Variants in AK8 observed in about 807,000 individuals in gnomAD.
AK8 encodes the protein ATP-AMP transphosphorylase 8.
Under a neutral mutation model 54.6 loss-of-function variants are expected in AK8, and 44 were observed. That is an observed-to-expected ratio of 0.81 (90% CI 0.63 to 1.04). The LOEUF is 1.04. Ranked by LOEUF, AK8 falls within the 50% of genes least tolerant of loss-of-function variation. The pLI is 0.00. For missense variants in AK8, 555 were observed against 613.6 expected (o/e 0.90, Z 1.01); for synonymous variants, 239 against 245.6 (o/e 0.97, Z 0.25).
At chr9:132,820,005 A>T (rs1275413818) in intron 9 of AK8, among the ~76,000 whole-genome samples, 2 of 152,020 alleles carry the variant, frequency 1.3e-5, no homozygotes, top group African/African-American at 4.8e-5. Context: ...ACAAAAAAAA[A>T]TTAGCTGAGC....
chr9:132,795,203 C>G (rs1021753290), intron 10 of AK8, among the ~76,000 whole-genome samples: 3 of 152,220 alleles, frequency 2.0e-5, no homozygotes, highest in African/African-American at 7.2e-5. Flanking sequence ...GTGACCTCCT[C>G]CTCCTCTCCC....
chr9:132,828,739 T>C lies in AK8; in HGVS notation c.403-13A>G, dbSNP rs1841984068. 6.3e-7 allele frequency: 1 copy of C among 1,594,590 alleles called. No individual in the cohort carries two copies. Among genetic ancestry groups the C allele is most frequent in the South Asian group, 1.1e-5 (1 of 89,534 alleles). On this transcript the variant is annotated splice_polypyrimidine_tract_variant and intron_variant, in intron 5 of 12. Transcript: ENST00000298545. ...CCAGAATCCAGCCCTAGACAGAAGA[T>C]TCAGAGAGGTGCTCATCTGTTTTGA...
chr9:132,743,524 C>G (rs1029627503), intron 11 of AK8, among the ~76,000 whole-genome samples: 1 of 152,238 alleles, frequency 6.6e-6, no homozygotes, highest in Admixed American at 6.5e-5. Context: ...GCCAGATTCC[C>G]CAGCCTTGAC....
chr9:132,835,850 G>A (rs544540590), intron 5 of AK8, among the ~76,000 whole-genome samples: 131 of 152,260 alleles, frequency 8.6e-4, no homozygotes, highest in Non-Finnish European at 1.3e-3. Flanking sequence ...TAGGCCAGGC[G>A]CAGTGGCTCA....
chr9:132,792,891 C>G, intron 10 of AK8, 116 bp from the exon 11 acceptor site: 1 of 1,229,254 alleles, frequency 8.1e-7, no homozygotes. Context: ...TAGGTGGAGC[C>G]ACTTGGAACC....
At chr9:132,800,355 C>T (rs985548241) in intron 10 of AK8, among the ~76,000 whole-genome samples, 12 of 152,164 alleles carry the variant, frequency 7.9e-5, no homozygotes, top group Non-Finnish European at 1.2e-4. Flanking sequence ...GGTTCTGCAT[C>T]CCCCAAGTGA....
intron 2 of AK8, among the ~76,000 whole-genome samples, chr9:132,870,673 G>A (rs923723798): frequency 1.3e-5 from 2 of 152,244 alleles, no homozygotes; most frequent in East Asian, 1.9e-4. Flanking sequence ...CTCGCTCACC[G>A]GGATGAGTCC....
intron 5 of AK8, among the ~76,000 whole-genome samples, chr9:132,850,795 A>T (rs925649769): frequency 1.3e-5 from 2 of 152,102 alleles, no homozygotes; most frequent in African/African-American, 4.8e-5. Context: ...TGGCCTCCCA[A>T]AGTGCTGGGA....
At chr9:132,840,957 T>C (rs958133418) in intron 5 of AK8, among the ~76,000 whole-genome samples, 12 of 152,112 alleles carry the variant, frequency 7.9e-5, no homozygotes, top group African/African-American at 2.9e-4. Context: ...AGTAGCAGAC[T>C]TCTACTCATA....
At chr9:132,737,180 G>C (rs1837162120) in intron 11 of AK8, among the ~76,000 whole-genome samples, 1 of 152,076 alleles carries the variant, frequency 6.6e-6, no homozygotes, top group South Asian at 2.1e-4. Flanking sequence ...CAAGTAGTTA[G>C]TAGACATTAC....
intron 2 of AK8, 47 bp downstream of exon 2, chr9:132,875,068 G>T: frequency 6.2e-7 from 1 of 1,609,824 alleles, no homozygotes; most frequent in Non-Finnish European, 8.5e-7. Flanking sequence ...GAAGGAGGAG[G>T]AGGGGAAGGG....
chr9:132,830,072 C>T (rs1343016268), intron 5 of AK8, among the ~76,000 whole-genome samples: 2 of 152,174 alleles, frequency 1.3e-5, no homozygotes, highest in Non-Finnish European at 2.9e-5. Context: ...CCACACTGTA[C>T]ACACTGTTTG....
At chr9:132,732,244 C>A (rs1799686) in intron 11 of AK8, among the ~76,000 whole-genome samples, 83,224 of 152,022 alleles carry the variant, frequency 0.55, 23,146 homozygotes, top group Admixed American at 0.68. Flanking sequence ...GGATTTTGAT[C>A]TTTCAGCATT....
At position 132,878,005 on chromosome 9, in the gene AK8, A is replaced by AG; in HGVS notation, c.84+166dup. The AG allele has an allele frequency of 6.6e-7, 1 of 1,508,522 alleles. No individual in the cohort carries two copies. The highest frequency in any genetic ancestry group is 1.4e-5 in the African/African-American group (1 of 72,194). The allele number at this position is 1,508,522 out of a possible 1,614,324, so 93.4% of individuals were successfully genotyped here. On this transcript the variant is annotated intron_variant, in intron 1 of 12. Coordinates refer to ENST00000298545, the MANE Select transcript of AK8 (RefSeq NM_152572.3). The surrounding 1 kb of genome is among the most constrained non-coding windows in gnomAD (Gnocchi z 4.7). ...CAGGACCAGGAGCGTCCCCAGCTCG[A>AG]GGGCCCCCTCGGGGTCACGGCGACA...
At chr9:132,877,653 C>T (rs1466692425) in intron 1 of AK8, 5 of 349,958 alleles carry the variant, frequency 1.4e-5, no homozygotes, top group African/African-American at 6.5e-5. Context: ...GACGTCTGGC[C>T]CTGAGGAGGA....
At chr9:132,747,294 C>T (rs1220312912) in intron 11 of AK8, among the ~76,000 whole-genome samples, 2 of 151,838 alleles carry the variant, frequency 1.3e-5, no homozygotes, top group East Asian at 3.9e-4. Flanking sequence ...GCGTGTGCCA[C>T]CACACCCAGC....
At chr9:132,804,674 C>T (rs772141406) in intron 10 of AK8, among the ~76,000 whole-genome samples, 1 of 152,202 alleles carries the variant, frequency 6.6e-6, no homozygotes, top group Non-Finnish European at 1.5e-5. Flanking sequence ...CGGGTGTGCC[C>T]TTGTCACCCA....
intron 10 of AK8, among the ~76,000 whole-genome samples, chr9:132,793,956 T>C (rs148097093): frequency 0.011 from 1,740 of 152,234 alleles, 22 homozygotes; most frequent in Middle Eastern, 0.031. Flanking sequence ...GAAGCACACA[T>C]TTGAAACCTT....
intron 10 of AK8, among the ~76,000 whole-genome samples, chr9:132,809,953 A>T (rs1350018545): frequency 6.6e-6 from 1 of 152,234 alleles, no homozygotes; most frequent in Non-Finnish European, 1.5e-5. Context: ...GTCAAGAATC[A>T]TTTAAATTTT....
Sources: allele counts gnomAD v4.1 joint callset (sites outside exome capture counted in the v4.1 genomes callset), GRCh38; gene constraint gnomAD v4.1.1; non-coding constraint Gnocchi (gnomAD v3.1); transcripts MANE v1.5; gene names NCBI Gene and HGNC (gene_info 2026-07-23, HGNC 2026-07-21).